Variants in STARD13 observed in about 807,000 individuals in gnomAD.
STARD13 encodes the protein stAR-related lipid transfer protein 13.
A neutral mutation model predicts 106.4 loss-of-function variants in STARD13; 62 were observed. The observed-to-expected ratio is 0.58, with a 90% confidence interval of 0.48 to 0.72. STARD13 has a LOEUF of 0.72. Among genes scored for constraint, STARD13 ranks in the 30% least tolerant of loss-of-function variants. The pLI, the probability that STARD13 is intolerant of heterozygous loss-of-function variation, is 0.00. For synonymous variants in STARD13, 565 were observed against 553.0 expected (o/e 1.02, Z -0.31); for missense variants, 1,387 against 1,424.0 (o/e 0.97, Z 0.42).
In STARD13 at chr13:33,167,507, T is replaced by C. The variant is rs756989929; in HGVS notation, c.241+44A>G. 3.1e-6 allele frequency: 5 copies of C among 1,597,038 alleles called. No individual in the cohort carries two copies. The South Asian group carries it at 5.5e-5, about 18-fold the overall frequency. ...ACCACAGGATACGTGTGGTTCATTT[T>C]GGATTTATTCTCTGTGTAAGAGCGA... On this transcript the variant is annotated intron_variant, in intron 2 of 13. Coordinates refer to ENST00000336934, the MANE Select transcript of STARD13 (RefSeq NM_178006.4).
At chr13:33,446,659 T>C in the STARD13 span, among the ~76,000 whole-genome samples, 1 of 152,182 alleles carries the variant, frequency 6.6e-6, no homozygotes, top group Non-Finnish European at 1.5e-5. Flanking sequence ...TGTTTCTAAA[T>C]ATAAATTTTG....
At chr13:33,167,200 G>A (rs2138373641) in intron 2 of STARD13, among the ~76,000 whole-genome samples, 1 of 152,212 alleles carries the variant, frequency 6.6e-6, no homozygotes, top group East Asian at 1.9e-4. Flanking sequence ...TGAGTTCATT[G>A]TGATTTCAAG....
chr13:33,431,695 C>T, the STARD13 span, among the ~76,000 whole-genome samples: 169 of 152,262 alleles, frequency 1.1e-3, no homozygotes, highest in African/African-American at 4.0e-3. Flanking sequence ...CATTTAAAAT[C>T]TATTAACCTC....
rs188915958 is a variant in STARD13 at position 33,143,840 on chromosome 13, C to T, written c.324-1467G>A. ...TGCTGGGATTACAGGCGTGAGCCAC[C>T]GCGCCCAGCTTGTTTCCAGTTTTGA... On this transcript the variant is annotated intron_variant, in intron 3 of 13. Transcript: ENST00000336934. Among the ~76,000 whole-genome samples the T allele has an allele frequency of 1.2e-4, 19 of 152,234 alleles. No individual in the cohort carries two copies. The East Asian group carries it at 2.3e-3, about 19-fold the overall frequency.
chr13:33,340,056 C>A (rs923190433), intron 1 of STARD13, among the ~76,000 whole-genome samples: 11 of 152,176 alleles, frequency 7.2e-5, no homozygotes, highest in African/African-American at 2.7e-4. Flanking sequence ...GGGAGGGAAG[C>A]ACTATCTTGC....
intron 1 of STARD13, among the ~76,000 whole-genome samples, chr13:33,311,003 G>A (rs1373509184): frequency 6.6e-6 from 1 of 151,968 alleles, no homozygotes; most frequent in Non-Finnish European, 1.5e-5. Context: ...TAAAAATACA[G>A]TATAAAAGAT....
chr13:33,565,483 GAAAA>G, the STARD13 span, among the ~76,000 whole-genome samples: 8 of 147,756 alleles, frequency 5.4e-5, 2 homozygotes, highest in South Asian at 2.2e-4. Flanking sequence ...AATTTAAAAA[GAAAA>G]AATATGTATT....
At chr13:33,484,412 C>A in the STARD13 span, among the ~76,000 whole-genome samples, 1 of 152,108 alleles carries the variant, frequency 6.6e-6, no homozygotes, top group Non-Finnish European at 1.5e-5. Context: ...TAAAATTGAC[C>A]TTTTGAGATG....
the STARD13 span, among the ~76,000 whole-genome samples, chr13:33,584,346 C>T: frequency 2.0e-5 from 3 of 152,200 alleles, no homozygotes; most frequent in East Asian, 3.9e-4. Flanking sequence ...TGGCGGAAGG[C>T]AAAGGAGGTG....
rs560965581 is a variant in STARD13 at position 33,263,991 on chromosome 13, A to C, written c.169+21479T>G. 9.2e-5 allele frequency among the ~76,000 whole-genome samples: 14 copies of C among 152,348 alleles called. 1 individual carries two copies. In the South Asian group the frequency reaches 2.9e-3, roughly 32 times the overall value. On this transcript the variant is annotated intron_variant, in intron 1 of 13. Transcript: ENST00000336934. The stretch of plus-strand genomic sequence containing the variant: ...CCAAGACTAGATCATAAAAAGTCAC[A>C]CACCTTGCCTTGCTCACTCTTGGGA...
At chr13:33,585,971 G>T in the STARD13 span, among the ~76,000 whole-genome samples, 4 of 152,160 alleles carry the variant, frequency 2.6e-5, no homozygotes, top group Non-Finnish European at 4.4e-5. Flanking sequence ...TGGGGATGAA[G>T]TTTTAGTATG....
chr13:33,302,091 TAA>T (rs1892742212), intron 1 of STARD13, among the ~76,000 whole-genome samples: 1 of 151,954 alleles, frequency 6.6e-6, no homozygotes, highest in Non-Finnish European at 1.5e-5. Context: ...TGATAATAAT[TAA>T]AGTCAGAGAA....
At chr13:33,302,352 A>C (rs986662465) in intron 1 of STARD13, among the ~76,000 whole-genome samples, 15 of 152,242 alleles carry the variant, frequency 9.9e-5, no homozygotes, top group Admixed American at 4.6e-4. Context: ...GTCAGGCACT[A>C]TTCTAAGGGC....
chr13:33,192,374 T>C (rs1184352524), intron 1 of STARD13, among the ~76,000 whole-genome samples: 1 of 152,228 alleles, frequency 6.6e-6, no homozygotes, highest in Non-Finnish European at 1.5e-5. Context: ...ATGTTGCAGG[T>C]TTCTTAATGC....
At chr13:33,122,291 T>A (rs1473694091) in intron 7 of STARD13, among the ~76,000 whole-genome samples, 4 of 152,234 alleles carry the variant, frequency 2.6e-5, no homozygotes, top group African/African-American at 9.6e-5. Flanking sequence ...CTGTTGCTCA[T>A]CCTTCTGATC....
At chr13:33,568,105 T>C in the STARD13 span, among the ~76,000 whole-genome samples, 2 of 147,966 alleles carry the variant, frequency 1.4e-5, 1 homozygote, top group Admixed American at 1.4e-4. Context: ...AACAGGAAAA[T>C]TAAGTTTACT....
chr13:33,151,017 GAGA>G (rs1881203744), intron 3 of STARD13, among the ~76,000 whole-genome samples: 1 of 152,154 alleles, frequency 6.6e-6, no homozygotes, highest in African/African-American at 2.4e-5. Context: ...TGATTAAAAA[GAGA>G]AGAAGCTACT....
chr13:33,452,786 G>A, the STARD13 span, among the ~76,000 whole-genome samples: 2 of 152,216 alleles, frequency 1.3e-5, no homozygotes, highest in African/African-American at 4.8e-5. Flanking sequence ...CTGGGCACCT[G>A]ATATGCTAAA....
At chr13:33,493,432 A>G in the STARD13 span, among the ~76,000 whole-genome samples, 13 of 152,244 alleles carry the variant, frequency 8.5e-5, no homozygotes, top group African/African-American at 3.1e-4. Context: ...ACTAATGTAA[A>G]CAATGGCTTT....
Sources: allele counts gnomAD v4.1 joint callset (sites outside exome capture counted in the v4.1 genomes callset), GRCh38; gene constraint gnomAD v4.1.1; transcripts MANE v1.5; gene names NCBI Gene and HGNC (gene_info 2026-07-23, HGNC 2026-07-21).